The following SNRPF variants were observed in gnomAD, a reference collection of about 807,000 sequenced individuals.
The protein encoded by SNRPF is small nuclear ribonucleoprotein polypeptide F, also known as small nuclear ribonucleoprotein F.
SNRPF carries 1 observed loss-of-function variant against 13.4 expected under a neutral mutation model. The observed-to-expected ratio is 0.07, with a 90% CI of 0.03 to 0.35. SNRPF has a LOEUF of 0.35. Among genes scored for constraint, SNRPF ranks in the 10% least tolerant of loss-of-function variants. The pLI, the probability that SNRPF is intolerant of heterozygous loss-of-function variation, is 0.99. For missense variants in SNRPF, 53 were observed against 101.0 expected (o/e 0.52, Z 2.04); for synonymous variants, 27 against 32.1 (o/e 0.84, Z 0.54).
Position 95,866,030 on chromosome 12 carries a change from G to A in SNRPF, c.220G>A (p.Gly74Ser). ...GTGTAATAATGTCCTTTATATCAGA[G>A]GTGTGGAAGAAGAGGAAGAAGATGG... Reference protein sequence around the residue: ...IRCNNVLYIRGVEEEEEDGEM... With the variant: ...IRCNNVLYIRSVEEEEEDGEM... The change falls in exon 4 of 4, where the codon GGT (glycine) becomes AGT (serine). Residue 74 changes from glycine (G) to serine (S), a missense_variant. Transcript: ENST00000266735. The A allele has an allele frequency of 1.3e-6, 2 of 1,553,448 alleles. No individual in the cohort carries two copies. The highest frequency in any genetic ancestry group is 2.3e-5 in the East Asian group (1 of 43,168).
chr12:95,863,887 C>A (rs1290376499), intron 2 of SNRPF, among the ~76,000 whole-genome samples: 1 of 152,082 alleles, frequency 6.6e-6, no homozygotes, highest in Non-Finnish European at 1.5e-5. Flanking sequence ...AAGGCCAGAG[C>A]AGATTGAGTT....
chr12:95,860,310 A>G (rs987523983), intron 1 of SNRPF, among the ~76,000 whole-genome samples: 3 of 151,760 alleles, frequency 2.0e-5, no homozygotes, highest in Non-Finnish European at 4.4e-5. Context: ...TTGTTGCATC[A>G]CTCTTCCCTC....
chr12:95,862,072 T>A (rs1004985773), intron 2 of SNRPF, among the ~76,000 whole-genome samples: 2 of 152,344 alleles, frequency 1.3e-5, no homozygotes, highest in Admixed American at 6.5e-5. Flanking sequence ...CTAGTCTACA[T>A]GTCTATGAAT....
chr12:95,859,154 C>T, intron 1 of SNRPF, 78 bp downstream of exon 1: 1 of 1,298,604 alleles, frequency 7.7e-7, no homozygotes, highest in Admixed American at 1.8e-5. Context: ...CTGCTGGTTC[C>T]TTCGCGCGTT....
At chr12:95,860,356 A>AT (rs1279103867) in intron 1 of SNRPF, among the ~76,000 whole-genome samples, 1 of 152,170 alleles carries the variant, frequency 6.6e-6, no homozygotes, top group Admixed American at 6.5e-5. Flanking sequence ...CTGGAACAGC[A>AT]TTTTTTCCCG....
chr12:95,863,769 G>A (rs1371606898), intron 2 of SNRPF, among the ~76,000 whole-genome samples: 1 of 152,230 alleles, frequency 6.6e-6, no homozygotes, highest in Non-Finnish European at 1.5e-5. Context: ...ACCAGAATTA[G>A]TGTACAACTC....
chr12:95,862,009 A>G (rs764724621), intron 2 of SNRPF, among the ~76,000 whole-genome samples: 1 of 152,234 alleles, frequency 6.6e-6, no homozygotes, highest in African/African-American at 2.4e-5. Flanking sequence ...ACAATTAAAC[A>G]TTAAACAATA....
At position 95,859,073 on chromosome 12, in the gene SNRPF, G is replaced by T. The variant is rs141845441; in HGVS notation, c.-1G>T. On this transcript the variant is annotated 5_prime_UTR_variant, in exon 1 of 4. Coordinates refer to ENST00000266735, the MANE Select transcript of SNRPF (RefSeq NM_003095.5). ...GCCTGCAACATTCGGCCGTGGTTAC[G>T]ATGGTAAGGAGAAAGAGAACGGCGG... 799 of 1,613,028 alleles carry T rather than the reference G, an allele frequency of 5.0e-4. No individual in the cohort carries two copies. Among genetic ancestry groups the T allele is most frequent in the Non-Finnish European group, 6.3e-4 (741 of 1,179,628 alleles).
At chr12:95,859,530 G>T (rs756043344) in intron 1 of SNRPF, among the ~76,000 whole-genome samples, 9 of 152,242 alleles carry the variant, frequency 5.9e-5, no homozygotes, top group Non-Finnish European at 1.3e-4. Context: ...ACAGGAGGCT[G>T]TGAGGGTGCG....
chr12:95,860,476 T>C (rs886079186), intron 1 of SNRPF, among the ~76,000 whole-genome samples: 3 of 152,242 alleles, frequency 2.0e-5, no homozygotes, highest in African/African-American at 7.2e-5. Flanking sequence ...ATATCTCCTT[T>C]TACTACAGTG....
In SNRPF at chr12:95,861,231, C is replaced by G. The variant is rs777304879; in HGVS notation, c.67C>G (p.Leu23Val). 2 of 1,612,412 alleles carry G rather than the reference C, an allele frequency of 1.2e-6. No individual in the cohort carries two copies. The highest frequency in any genetic ancestry group is 2.7e-5 in the African/African-American group (2 of 74,850). ...AACAGGAAAGCCAGTGATGGTGAAA[C>G]TTAAGTGGGGAATGGAGTACAAGGG... ...GLTGKPVMVKLKWGMEYKGYL... is the reference protein window; with the variant it reads ...GLTGKPVMVKVKWGMEYKGYL... Residue 23 changes from leucine (L) to valine (V), a missense_variant, in exon 2 of 4, where the codon CTT (leucine) becomes GTT (valine). Physicochemically the swap from Leu to Val is conservative, Grantham distance 32. Coordinates refer to ENST00000266735, the MANE Select transcript of SNRPF (RefSeq NM_003095.5).
chr12:95,859,736 TTG>T (rs1191777648), intron 1 of SNRPF, among the ~76,000 whole-genome samples: 1 of 152,142 alleles, frequency 6.6e-6, no homozygotes, highest in African/African-American at 2.4e-5. Context: ...GTATAGCCAC[TTG>T]CGCGAATAGT....
At chr12:95,860,380 C>T (rs1024761714) in intron 1 of SNRPF, among the ~76,000 whole-genome samples, 2 of 152,196 alleles carry the variant, frequency 1.3e-5, no homozygotes, top group Admixed American at 6.5e-5. Context: ...TGGAAATAAA[C>T]TCTTATCCTT....
At chr12:95,864,316 A>C (rs879839127) in intron 2 of SNRPF, among the ~76,000 whole-genome samples, 4 of 152,102 alleles carry the variant, frequency 2.6e-5, no homozygotes, top group Non-Finnish European at 5.9e-5. Context: ...ATCACTCCTT[A>C]GTTCCTTCTC....
chr12:95,860,851 G>A (rs1039621633), intron 1 of SNRPF, among the ~76,000 whole-genome samples: 6 of 48,772 alleles, frequency 1.2e-4, no homozygotes, highest in African/African-American at 4.9e-4. Flanking sequence ...TACCTGGCCC[G>A]CTTTTTTTTT....
intron 2 of SNRPF, among the ~76,000 whole-genome samples, chr12:95,863,001 T>C (rs2079503242): frequency 6.6e-6 from 1 of 151,858 alleles, no homozygotes; most frequent in South Asian, 2.1e-4. Flanking sequence ...TAGTTTGGGA[T>C]TTTTTGTTGT....
At position 95,865,987 on chromosome 12, in the gene SNRPF, G is replaced by T. The variant is rs747332367; in HGVS notation, c.195-18G>T. On this transcript the variant is annotated intron_variant, in intron 3 of 3. Transcript: ENST00000266735. Reference sequence around the variant, plus strand: ...GGTTTCTGGTTGGAACAACAAAATCGACTTTTTCTATTTACAGGTGTAATA... The same window carrying T: ...GGTTTCTGGTTGGAACAACAAAATCTACTTTTTCTATTTACAGGTGTAATA... 7 of 1,293,234 alleles carry T rather than the reference G, an allele frequency of 5.4e-6. No individual in the cohort carries two copies. In the African/African-American group the frequency reaches 9.0e-5, roughly 17 times the overall value. 80.1% of individuals were successfully genotyped at this position (1,293,234 alleles called of 1,614,324 possible).
rs759513750 is a variant in SNRPF at position 95,865,419 on chromosome 12, T to G, written c.194+31T>G. ...AAACAGCAGTAGTATATGTAAGGAG[T>G]TACTGGTGAGCATTAGGAATACCTG... On this transcript the variant is annotated intron_variant, in intron 3 of 3. Coordinates refer to ENST00000266735, the MANE Select transcript of SNRPF (RefSeq NM_003095.5). The G allele has an allele frequency of 4.7e-6, 5 of 1,073,952 alleles. No individual in the cohort carries two copies. In the South Asian group the frequency reaches 6.7e-5, roughly 14 times the overall value. The allele number at this position is 1,073,952 out of a possible 1,614,324, so 66.5% of individuals were successfully genotyped here.
intron 1 of SNRPF, among the ~76,000 whole-genome samples, chr12:95,860,281 G>T (rs2079488949): frequency 6.6e-6 from 1 of 152,118 alleles, no homozygotes; most frequent in East Asian, 1.9e-4. Flanking sequence ...ATGCTGAATT[G>T]TATGTCCCCA....
Sources: allele counts gnomAD v4.1 joint callset (sites outside exome capture counted in the v4.1 genomes callset), GRCh38; gene constraint gnomAD v4.1.1; transcripts MANE v1.5; gene names NCBI Gene and HGNC (gene_info 2026-07-23, HGNC 2026-07-21).